Variants in HORMAD2 observed in about 807,000 individuals in gnomAD.
HORMAD2 encodes HORMA domain containing 2, also known as HORMA domain-containing protein 2.
A neutral mutation model predicts 38.8 loss-of-function variants in HORMAD2; 45 were observed. The observed-to-expected ratio is 1.16, with a 90% CI of 0.91 to 1.49. The LOEUF is 1.49. Ranked by LOEUF, HORMAD2 falls within the 40% of genes most tolerant of loss-of-function variation. The pLI, the probability that HORMAD2 is intolerant of heterozygous loss-of-function variation, is 0.00. For synonymous variants in HORMAD2, 126 were observed against 122.8 expected (o/e 1.03, Z -0.17); for missense variants, 338 against 367.0 (o/e 0.92, Z 0.65).
chr22:30,111,896 T>C, intron 6 of HORMAD2, 80 bp downstream of exon 6: 1 of 1,063,274 alleles, frequency 9.4e-7, no homozygotes, highest in Non-Finnish European at 1.3e-6. Flanking sequence ...AAAACAGTAC[T>C]CTCCCTCTTC....
intron 10 of HORMAD2, among the ~76,000 whole-genome samples, chr22:30,140,151 C>A: frequency 6.6e-6 from 1 of 152,102 alleles, no homozygotes. Context: ...GTAATCCCAG[C>A]TACTTGGGGG....
chr22:30,157,073 G>A (rs1389370639), intron 10 of HORMAD2, among the ~76,000 whole-genome samples: 1 of 152,202 alleles, frequency 6.6e-6, no homozygotes, highest in East Asian at 1.9e-4. Flanking sequence ...TGTAGATGCT[G>A]TTGAAGTGCT....
rs141834419 is a variant in HORMAD2 at position 30,098,667 on chromosome 22, T to C, written c.52-185T>C. ...TACTTGGGTAATTGTTTCTGCCTTCTGCTCTGCCTTGCCTATGAAGATCTA... is the reference window on the plus strand; with the variant it reads ...TACTTGGGTAATTGTTTCTGCCTTCCGCTCTGCCTTGCCTATGAAGATCTA... On this transcript the variant is annotated intron_variant, in intron 2 of 10. Coordinates refer to ENST00000336726, the MANE Select transcript of HORMAD2 (RefSeq NM_152510.4). Among the ~76,000 whole-genome samples, 706 of 152,332 alleles carry C rather than the reference T, an allele frequency of 4.6e-3. 6 individuals carry two copies. Among genetic ancestry groups the C allele is most frequent in the African/African-American group, 0.016 (661 of 41,578 alleles).
chr22:30,182,145 A>G, the HORMAD2 span, among the ~76,000 whole-genome samples: 2 of 152,190 alleles, frequency 1.3e-5, no homozygotes, highest in South Asian at 4.1e-4. Flanking sequence ...TACTAGCTGT[A>G]TGACTCTGTT....
intron 10 of HORMAD2, among the ~76,000 whole-genome samples, chr22:30,169,930 G>A (rs995455850): frequency 2.6e-5 from 4 of 152,038 alleles, no homozygotes; most frequent in African/African-American, 7.3e-5. Context: ...TTCTCTCAAA[G>A]CATTTGCTTT....
At chr22:30,137,288 A>G (rs1414670202) in intron 10 of HORMAD2, 3 of 531,654 alleles carry the variant, frequency 5.6e-6, no homozygotes, top group African/African-American at 1.9e-5. Context: ...AGGCCATCAG[A>G]TGCAATTTTG....
At chr22:30,098,797 TA>T in intron 2 of HORMAD2, 54 bp from the exon 3 acceptor site, 1 of 1,487,884 alleles carries the variant, frequency 6.7e-7, no homozygotes, top group Non-Finnish European at 9.1e-7. Flanking sequence ...AATGATGTGC[TA>T]AACTGAATAT....
At chr22:30,100,651 A>G (rs989894634) in intron 3 of HORMAD2, among the ~76,000 whole-genome samples, 3 of 152,190 alleles carry the variant, frequency 2.0e-5, no homozygotes, top group Non-Finnish European at 4.4e-5. Context: ...AACAGGAAAC[A>G]TACAGAATGG....
intron 10 of HORMAD2, among the ~76,000 whole-genome samples, chr22:30,132,582 C>T (rs757387992): frequency 1.6e-4 from 25 of 151,562 alleles, no homozygotes; most frequent in Non-Finnish European, 3.5e-4. Flanking sequence ...ACACACACAT[C>T]ATTCTTTCTT....
chr22:30,187,499 CTT>C, the HORMAD2 span, among the ~76,000 whole-genome samples: 1 of 125,430 alleles, frequency 8.0e-6, no homozygotes, highest in East Asian at 2.2e-4. Flanking sequence ...AGTATATTTC[CTT>C]TGTGTGTGTG....
chr22:30,130,172 G>A (rs562277316), intron 10 of HORMAD2, among the ~76,000 whole-genome samples: 40 of 152,216 alleles, frequency 2.6e-4, no homozygotes, highest in Middle Eastern at 3.4e-3. Context: ...TTGTGAGACC[G>A]TTGAAAATAG....
the HORMAD2 span, among the ~76,000 whole-genome samples, chr22:30,200,539 C>A: frequency 1.3e-5 from 2 of 151,784 alleles, no homozygotes; most frequent in African/African-American, 4.8e-5. Context: ...TTGTGTCCAG[C>A]CATTTTTCTA....
chr22:30,096,351 G>A (rs2068781675), intron 2 of HORMAD2, among the ~76,000 whole-genome samples: 1 of 152,090 alleles, frequency 6.6e-6, no homozygotes, highest in South Asian at 2.1e-4. Flanking sequence ...ATTATATACT[G>A]CCAAGCACTT....
intron 1 of HORMAD2, among the ~76,000 whole-genome samples, chr22:30,091,258 CTT>C (rs1476772477): frequency 1.7e-5 from 2 of 120,382 alleles, no homozygotes; most frequent in Non-Finnish European, 3.1e-5. Flanking sequence ...TTCTTTCTCT[CTT>C]TCTTTCTTTT....
chr22:30,144,828 C>G (rs1376091899), intron 10 of HORMAD2, among the ~76,000 whole-genome samples: 1 of 151,996 alleles, frequency 6.6e-6, no homozygotes, highest in Non-Finnish European at 1.5e-5. Flanking sequence ...ACCATGAGCC[C>G]CCACCTCATG....
intron 10 of HORMAD2, among the ~76,000 whole-genome samples, chr22:30,123,607 T>C (rs1922613712): frequency 6.6e-6 from 1 of 152,070 alleles, no homozygotes; most frequent in Non-Finnish European, 1.5e-5. Flanking sequence ...AGTGCTGGGA[T>C]TACAGGTATG....
intron 10 of HORMAD2, among the ~76,000 whole-genome samples, chr22:30,133,517 A>G (rs1014185638): frequency 6.6e-6 from 1 of 150,504 alleles, no homozygotes; most frequent in Admixed American, 6.6e-5. Context: ...TCTGGGATAC[A>G]TGTGCAGAAC....
intron 5 of HORMAD2, among the ~76,000 whole-genome samples, chr22:30,110,161 TG>T (rs1921517373): frequency 6.6e-6 from 1 of 152,138 alleles, no homozygotes; most frequent in South Asian, 2.1e-4. Flanking sequence ...AATCTAGAAA[TG>T]ATTTAAAATA....
At chr22:30,124,050 G>C (rs1922656957) in intron 10 of HORMAD2, among the ~76,000 whole-genome samples, 1 of 151,132 alleles carries the variant, frequency 6.6e-6, no homozygotes, top group Non-Finnish European at 1.5e-5. Context: ...TCAACTAATA[G>C]ATTAAATAAG....
Sources: gnomAD v4.1 joint callset for allele counts (sites outside exome capture counted in the v4.1 genomes callset) on GRCh38, gnomAD v4.1.1 for gene constraint, MANE v1.5 for transcripts, NCBI Gene and HGNC (gene_info 2026-07-23, HGNC 2026-07-21) for gene names.